The following NBAS variants were observed in gnomAD, a reference collection of about 807,000 sequenced individuals.
NBAS encodes the protein NBAS subunit of NRZ tethering complex, also known as NAG/BC035112 fusion.
Under a neutral mutation model 302.5 loss-of-function variants are expected in NBAS, and 219 were observed. The observed-to-expected ratio is 0.72, with a 90% CI of 0.65 to 0.81. The LOEUF (loss-of-function observed/expected upper bound fraction) is 0.81. Ranked by LOEUF, NBAS falls within the 30% of genes least tolerant of loss-of-function variation. The pLI, the probability that NBAS is intolerant of heterozygous loss-of-function variation, is 0.00. For synonymous variants in NBAS, 1,118 were observed against 1,021.6 expected (o/e 1.09, Z -1.80); for missense variants, 2,932 against 2,841.6 (o/e 1.03, Z -0.72).
At chr2:14,994,477 G>A in the NBAS span, among the ~76,000 whole-genome samples, 7 of 152,180 alleles carry the variant, frequency 4.6e-5, no homozygotes, top group Non-Finnish European at 1.0e-4. Context: ...ATGTGCCAGG[G>A]TGGGCTATGA....
At chr2:15,236,847 G>C (rs567970234) in intron 45 of NBAS, among the ~76,000 whole-genome samples, 1 of 152,070 alleles carries the variant, frequency 6.6e-6, no homozygotes, top group East Asian at 1.9e-4. Context: ...TTATTCATTA[G>C]ACAGAAAAAT....
At chr2:15,533,683 T>C (rs1039310890) in intron 9 of NBAS, among the ~76,000 whole-genome samples, 3 of 4,302 alleles carry the variant, frequency 7.0e-4, no homozygotes, top group Non-Finnish European at 2.2e-3. Flanking sequence ...GGTGTGCGTG[T>C]GTGTGTGTGT....
intron 44 of NBAS, among the ~76,000 whole-genome samples, chr2:15,262,230 AACT>A (rs1668881735): frequency 6.6e-6 from 1 of 152,228 alleles, no homozygotes; most frequent in African/African-American, 2.4e-5. Context: ...ATCGTCCTGC[AACT>A]ACTACAACAA....
At chr2:15,333,867 C>T (rs1035961133) in intron 35 of NBAS, among the ~76,000 whole-genome samples, 7 of 150,514 alleles carry the variant, frequency 4.7e-5, no homozygotes, top group African/African-American at 1.5e-4. Flanking sequence ...AGAAGAGCCG[C>T]GCAAGTTGTT....
chr2:15,430,322 G>C (rs1215987663), intron 21 of NBAS, among the ~76,000 whole-genome samples: 1 of 152,136 alleles, frequency 6.6e-6, no homozygotes, highest in East Asian at 1.9e-4. Context: ...TCAAGGTACA[G>C]CACAACCAGT....
rs143892630 is a variant in NBAS at position 15,409,151 on chromosome 2, G to A, written c.2937+6395C>T. On this transcript the variant is annotated intron_variant, in intron 25 of 51. Transcript: ENST00000281513. Reference sequence around the variant, plus strand: ...TGCTGGTATCCATTGTTCTTAAGAAGTCTGCTTTCAGATTTACGGTTTTCC... The same window carrying A: ...TGCTGGTATCCATTGTTCTTAAGAAATCTGCTTTCAGATTTACGGTTTTCC... Among the ~76,000 whole-genome samples the A allele has an allele frequency of 3.0e-3, 454 of 152,248 alleles. 4 individuals carry two copies. The highest frequency in any genetic ancestry group is 9.8e-3 in the African/African-American group (406 of 41,550).
the NBAS span, among the ~76,000 whole-genome samples, chr2:14,997,856 A>G: frequency 6.6e-6 from 1 of 152,200 alleles, no homozygotes; most frequent in Non-Finnish European, 1.5e-5. Flanking sequence ...GAGATGAGTC[A>G]GACATTGCTG....
chr2:15,313,634 C>A (rs536599888), intron 38 of NBAS, among the ~76,000 whole-genome samples: 10 of 152,342 alleles, frequency 6.6e-5, no homozygotes, highest in Non-Finnish European at 1.3e-4. Context: ...ACAACACATG[C>A]AACTGCAATT....
At chr2:15,028,344 G>T in the NBAS span, among the ~76,000 whole-genome samples, 1 of 152,148 alleles carries the variant, frequency 6.6e-6, no homozygotes, top group Non-Finnish European at 1.5e-5. Flanking sequence ...TTTTTTATTA[G>T]CATTCCAGGT....
chr2:15,288,455 G>C (rs1670156941), intron 41 of NBAS, among the ~76,000 whole-genome samples: 1 of 152,156 alleles, frequency 6.6e-6, no homozygotes, highest in Non-Finnish European at 1.5e-5. Context: ...GGGCTTCTCA[G>C]ACATAAGAGA....
rs991888359 is a variant in NBAS at position 15,277,014 on chromosome 2, G to C, written c.5226C>G (p.His1742Gln). The C allele has an allele frequency of 1.2e-6, 2 of 1,613,982 alleles. No individual in the cohort carries two copies. Among genetic ancestry groups the C allele is most frequent in the Admixed American group, 3.3e-5 (2 of 59,990 alleles). The change falls in exon 43 of 52, where the codon CAC becomes CAG. Residue 1742 changes from histidine (H) to glutamine (Q), a missense_variant. His to Gln is a conservative substitution (Grantham distance 24). Coordinates refer to ENST00000281513, the MANE Select transcript of NBAS (RefSeq NM_015909.4). ...TAGTAGGGTAAATATACTTGACCAT[G>C]TGCTGGTGAAAGGCTTCTGGATCAG... Reference protein sequence around the residue: ...LKTDPEAFHQHMVKYIYPTIG... With the variant: ...LKTDPEAFHQQMVKYIYPTIG...
intron 51 of NBAS, among the ~76,000 whole-genome samples, chr2:15,176,966 G>T (rs2125112846): frequency 6.6e-6 from 1 of 152,300 alleles, no homozygotes; most frequent in African/African-American, 2.4e-5. Context: ...ACTGCAAAAG[G>T]TCTTTTTGTG....
chr2:15,421,363 A>C (rs569995769), intron 23 of NBAS, among the ~76,000 whole-genome samples: 1 of 152,312 alleles, frequency 6.6e-6, no homozygotes, highest in Admixed American at 6.5e-5. Context: ...TTTTAAAATG[A>C]AATTACTGAC....
the NBAS span, among the ~76,000 whole-genome samples, chr2:15,079,520 A>G: frequency 2.0e-5 from 3 of 152,130 alleles, no homozygotes; most frequent in African/African-American, 7.2e-5. Flanking sequence ...CCAAGGACAC[A>G]GGACCTCATG....
At chr2:15,372,303 T>C (rs1392675152) in intron 31 of NBAS, among the ~76,000 whole-genome samples, 1 of 152,112 alleles carries the variant, frequency 6.6e-6, no homozygotes, top group African/African-American at 2.4e-5. Context: ...GACTCACACA[T>C]AGGGAGTCAT....
the NBAS span, among the ~76,000 whole-genome samples, chr2:15,071,641 A>T: frequency 6.6e-6 from 1 of 150,682 alleles, no homozygotes; most frequent in Non-Finnish European, 1.5e-5. Context: ...AAAAAAAAAA[A>T]GGGAATTGCC....
At chr2:15,482,023 C>T (rs1264305312) in intron 12 of NBAS, among the ~76,000 whole-genome samples, 2 of 152,186 alleles carry the variant, frequency 1.3e-5, no homozygotes. Context: ...GCTGGGTTTC[C>T]CCTTCAGTCT....
At chr2:15,452,773 C>CA in intron 21 of NBAS, among the ~76,000 whole-genome samples, 1 of 152,276 alleles carries the variant, frequency 6.6e-6, no homozygotes, top group East Asian at 1.9e-4. Flanking sequence ...AGAAAGCCAA[C>CA]AACAGGTTTC....
rs1361218174 is a variant in NBAS, at chr2:15,330,674, G to A, written c.4271C>T (p.Thr1424Ile). 9 of 1,614,102 alleles carry A rather than the reference G, an allele frequency of 5.6e-6. No homozygotes were observed. The highest frequency in any genetic ancestry group is 2.2e-5 in the South Asian group (2 of 91,080). The change falls in exon 36 of 52, where the codon ACC (threonine) becomes ATC (isoleucine). Residue 1424 changes from threonine to isoleucine, a missense_variant. Thr to Ile is a moderately conservative substitution (Grantham distance 89). Coordinates refer to ENST00000281513, the MANE Select transcript of NBAS (RefSeq NM_015909.4). ...GACGGCCTGCAGCACCGCTTTGGTG[G>A]TGGTTGTGGTGTTGGAAAGGACTTT... ...TMKVLSNTTT[T>I]TKAVLQAVSD... is the part of the protein sequence containing the mutation.
Sources: allele counts gnomAD v4.1 joint callset (sites outside exome capture counted in the v4.1 genomes callset), GRCh38; gene constraint gnomAD v4.1.1; transcripts MANE v1.5; gene names NCBI Gene and HGNC (gene_info 2026-07-23, HGNC 2026-07-21).